Variants in FAM149A observed in about 807,000 individuals in gnomAD.
FAM149A encodes the protein protein FAM149A.
Under a neutral mutation model 78.2 loss-of-function variants are expected in FAM149A, and 71 were observed. The ratio of observed to expected loss-of-function variants is 0.91; its 90% CI spans 0.75 to 1.11. FAM149A has a LOEUF of 1.11. Ranked by LOEUF, FAM149A falls within the 50% of genes least tolerant of loss-of-function variation. FAM149A has a pLI of 0.00. For missense variants in FAM149A, 1,036 were observed against 971.0 expected (o/e 1.07, Z -0.89); for synonymous variants, 446 against 410.5 (o/e 1.09, Z -1.04).
chr4:186,137,296 T>C (rs2099323830), intron 1 of FAM149A, among the ~76,000 whole-genome samples: 1 of 152,018 alleles, frequency 6.6e-6, no homozygotes, highest in Admixed American at 6.5e-5. Context: ...TTCAGGTGGC[T>C]GAAGGTTTTG....
chr4:186,158,075 G>C (rs1471038126), intron 8 of FAM149A: 1 of 1,362,940 alleles, frequency 7.3e-7, no homozygotes, highest in Non-Finnish European at 9.7e-7. Flanking sequence ...AGAAGCTGCT[G>C]CTGGCAGCTC....
At chr4:186,151,721 G>A in intron 3 of FAM149A, 182 bp from the exon 4 acceptor site, 1 of 985,222 alleles carries the variant, frequency 1.0e-6, no homozygotes, top group Middle Eastern at 5.2e-4. Flanking sequence ...AGAATGAGAT[G>A]GCATTTCTCA....
At position 186,157,694 on chromosome 4, in the gene FAM149A, T is replaced by C; in HGVS notation, c.1550T>C (p.Leu517Pro). ...CACGCCGAGGCTCACGGCATCTCCC[T>C]GGCTTCTCGTCTGAACCCGCCCCAG... Residue 517 changes from leucine (L) to proline (P), a missense_variant, in exon 8 of 14, where the codon CTG becomes CCG. Physicochemically the swap from Leu to Pro is moderately conservative, Grantham distance 98 (BLOSUM62 -3). This residue lies in a region of FAM149A where 716 missense variants were observed against 711.8 expected (regional missense o/e 1.01). Coordinates refer to ENST00000389354, the MANE Select transcript of FAM149A (RefSeq NM_001367768.3). 1 of 1,612,786 alleles carries C rather than the reference T, an allele frequency of 6.2e-7. No homozygotes were observed. The highest frequency in any genetic ancestry group is 8.5e-7 in the Non-Finnish European group (1 of 1,179,256).
chr4:186,117,031 CCT>C (rs1227512198), intron 1 of FAM149A, among the ~76,000 whole-genome samples: 3 of 152,092 alleles, frequency 2.0e-5, no homozygotes, highest in African/African-American at 7.2e-5. Context: ...GGCTACCTAA[CCT>C]CTTTAAGCTT....
chr4:186,157,750 C>T (rs1218202450), intron 8 of FAM149A, 31 bp downstream of exon 8: 10 of 1,586,340 alleles, frequency 6.3e-6, no homozygotes, highest in Non-Finnish European at 8.6e-6. Flanking sequence ...CTCCCTCTTG[C>T]CTTCACTCTG....
chr4:186,154,291 G>A (rs1733855674), intron 5 of FAM149A, among the ~76,000 whole-genome samples, 177 bp from the exon 6 acceptor site: 1 of 152,198 alleles, frequency 6.6e-6, no homozygotes, highest in Non-Finnish European at 1.5e-5. Context: ...AATGTTTAAT[G>A]ATGCCTGTAT....
chr4:186,148,079 C>T (rs1311916315), intron 1 of FAM149A, among the ~76,000 whole-genome samples: 1 of 152,188 alleles, frequency 6.6e-6, no homozygotes, highest in Admixed American at 6.5e-5. Context: ...GTAATCCCAG[C>T]ACTTTGGGAG....
chr4:186,167,411 A>G, intron 13 of FAM149A, 149 bp downstream of exon 13: 1 of 759,908 alleles, frequency 1.3e-6, no homozygotes, highest in Non-Finnish European at 2.4e-6. Context: ...TGACCTCAGA[A>G]ACCTCGATCA....
At chr4:186,128,925 C>CTG (rs887682700) in intron 1 of FAM149A, among the ~76,000 whole-genome samples, 3 of 149,898 alleles carry the variant, frequency 2.0e-5, no homozygotes, top group African/African-American at 7.4e-5. Flanking sequence ...TTATGTGTTT[C>CTG]TGTGTGTGTG....
chr4:186,137,532 C>T (rs143314034), intron 1 of FAM149A, among the ~76,000 whole-genome samples: 15 of 151,984 alleles, frequency 9.9e-5, no homozygotes, highest in African/African-American at 1.4e-4. Flanking sequence ...AATGAAAATT[C>T]GGCAAATCCT....
chr4:186,153,319 G>A, intron 4 of FAM149A: 1 of 924,692 alleles, frequency 1.1e-6, no homozygotes, highest in Non-Finnish European at 1.3e-6. Context: ...TTTGTGCCCA[G>A]TGTTGCCTTA....
intron 1 of FAM149A, chr4:186,133,101 G>T: frequency 2.0e-6 from 2 of 985,362 alleles, no homozygotes; most frequent in Non-Finnish European, 2.4e-6. Context: ...TCACTGGTGG[G>T]TAAAGGTTAG....
At chr4:186,155,434 A>T (rs1260808018) in intron 6 of FAM149A, among the ~76,000 whole-genome samples, 1 of 152,266 alleles carries the variant, frequency 6.6e-6, no homozygotes, top group Non-Finnish European at 1.5e-5. Flanking sequence ...ACTGAAAGTC[A>T]ATAACAGGAA....
chr4:186,110,282 G>C, intron 1 of FAM149A: 2 of 985,210 alleles, frequency 2.0e-6, no homozygotes, highest in Non-Finnish European at 2.4e-6. Context: ...AGGTCTTTTT[G>C]TTTCATCGTC....
chr4:186,171,892 A>G (rs752232551), intron 13 of FAM149A, 22 bp from the exon 14 acceptor site: 29 of 1,597,108 alleles, frequency 1.8e-5, no homozygotes, highest in Non-Finnish European at 2.3e-5. Flanking sequence ...AATGAGAATT[A>G]CCTTTTGCTT....
chr4:186,166,030 G>A (rs563712988), intron 11 of FAM149A, among the ~76,000 whole-genome samples: 12 of 152,268 alleles, frequency 7.9e-5, no homozygotes, highest in Non-Finnish European at 1.2e-4. Flanking sequence ...TATTGCAGTG[G>A]AGGGCAATAC....
intron 11 of FAM149A, among the ~76,000 whole-genome samples, chr4:186,165,771 G>C (rs1734978323): frequency 6.6e-6 from 1 of 152,176 alleles, no homozygotes; most frequent in Admixed American, 6.5e-5. Context: ...TTGGTCAGGA[G>C]ACAGGCAGGT....
At chr4:186,163,133 C>T (rs1048706032) in intron 9 of FAM149A, among the ~76,000 whole-genome samples, 185 bp downstream of exon 9, 4 of 152,092 alleles carry the variant, frequency 2.6e-5, no homozygotes, top group Admixed American at 1.3e-4. Flanking sequence ...CAGTTACTAT[C>T]GTGTATTTGG....
chr4:186,143,422 C>T (rs7692980), intron 1 of FAM149A, among the ~76,000 whole-genome samples: 136,413 of 151,926 alleles, frequency 0.9, 61,459 homozygotes, highest in African/African-American at 0.97. Flanking sequence ...ACACATCACA[C>T]ATATACACAT....
Sources: allele counts gnomAD v4.1 joint callset (sites outside exome capture counted in the v4.1 genomes callset), GRCh38; gene constraint gnomAD v4.1.1; regional missense constraint gnomAD v4.1.1; transcripts MANE v1.5; gene names NCBI Gene and HGNC (gene_info 2026-07-23, HGNC 2026-07-21).